The following IFT80 variants were observed in gnomAD, a reference collection of about 807,000 sequenced individuals.
IFT80 encodes the protein intraflagellar transport protein 80 homolog.
Under a neutral mutation model 107.9 loss-of-function variants are expected in IFT80, and 79 were observed. The observed-to-expected ratio is 0.73, with a 90% confidence interval of 0.61 to 0.88. The LOEUF is 0.88. IFT80 is among the 40% of genes least tolerant of loss of function. IFT80 has a pLI of 0.00. For missense variants in IFT80, 797 were observed against 914.2 expected (o/e 0.87, Z 1.65); for synonymous variants, 299 against 300.9 (o/e 0.99, Z 0.07).
intron 8 of IFT80, among the ~76,000 whole-genome samples, chr3:160,339,249 A>G (rs1163230271): frequency 6.6e-6 from 1 of 152,206 alleles, no homozygotes; most frequent in African/African-American, 2.4e-5. Flanking sequence ...ATTTTTATAG[A>G]AATTATAGTC....
At chr3:160,388,633 T>C (rs1293526741) in intron 1 of IFT80, among the ~76,000 whole-genome samples, 2 of 149,038 alleles carry the variant, frequency 1.3e-5, no homozygotes, top group African/African-American at 4.9e-5. Context: ...AATATATAAA[T>C]ACATTCTATA....
chr3:160,340,776 A>G (rs1238682196), intron 8 of IFT80, among the ~76,000 whole-genome samples: 1 of 152,206 alleles, frequency 6.6e-6, no homozygotes, highest in Non-Finnish European at 1.5e-5. Flanking sequence ...TAGTTTTAGC[A>G]TCTGAAGGTC....
chr3:160,357,630 T>G (rs749886567), intron 6 of IFT80, 52 bp from the exon 7 acceptor site: 1 of 1,194,446 alleles, frequency 8.4e-7, no homozygotes, highest in Non-Finnish European at 1.2e-6. Flanking sequence ...GCACTTAAGT[T>G]TTTTTCTGTA....
intron 9 of IFT80, among the ~76,000 whole-genome samples, chr3:160,311,780 T>C (rs571624941): frequency 2.6e-5 from 4 of 152,256 alleles, no homozygotes; most frequent in Admixed American, 2.6e-4. Context: ...GTGTTGTTTT[T>C]TGTTTGTCTG....
At chr3:160,311,384 A>C (rs1481528546) in intron 9 of IFT80, among the ~76,000 whole-genome samples, 2 of 152,352 alleles carry the variant, frequency 1.3e-5, no homozygotes, top group African/African-American at 4.8e-5. Context: ...AATTGGAGAA[A>C]TGTGATCTGT....
intron 6 of IFT80, among the ~76,000 whole-genome samples, chr3:160,358,011 A>T: frequency 6.6e-6 from 1 of 151,644 alleles, no homozygotes; most frequent in East Asian, 1.9e-4. Flanking sequence ...TATTTTATTT[A>T]TTTATTTATT....
intron 8 of IFT80, among the ~76,000 whole-genome samples, chr3:160,328,694 T>C (rs1718863547): frequency 6.6e-6 from 1 of 152,056 alleles, no homozygotes; most frequent in South Asian, 2.1e-4. Context: ...CATGCAGCTA[T>C]ATGTTCATTA....
chr3:160,398,131 C>T (rs1206708437), intron 1 of IFT80, among the ~76,000 whole-genome samples: 1 of 149,414 alleles, frequency 6.7e-6, no homozygotes, highest in Non-Finnish European at 1.5e-5. Context: ...TTTATGAAAA[C>T]AACAATTCGT....
intron 8 of IFT80, among the ~76,000 whole-genome samples, chr3:160,332,389 G>T (rs567446600): frequency 1.3e-5 from 2 of 152,278 alleles, no homozygotes; most frequent in African/African-American, 4.8e-5. Flanking sequence ...GGCTTTTATT[G>T]GTGTGCAGGG....
intron 1 of IFT80, 134 bp downstream of exon 1, chr3:160,399,012 G>A (rs1714124101): frequency 6.6e-6 from 1 of 152,188 alleles, no homozygotes; most frequent in Admixed American, 6.5e-5. Flanking sequence ...TACACCCGGA[G>A]CCCCGCTGCC....
At chr3:160,356,512 T>C (rs567085016) in intron 7 of IFT80, among the ~76,000 whole-genome samples, 43 of 152,282 alleles carry the variant, frequency 2.8e-4, no homozygotes, top group Admixed American at 2.8e-3. Flanking sequence ...GTTTAGTTCT[T>C]AGCTTTGTTT....
At position 160,372,738 on chromosome 3, in the gene IFT80, T is replaced by C. The variant is rs578155212; in HGVS notation, c.439+3074A>G. 4.6e-5 allele frequency among the ~76,000 whole-genome samples: 7 copies of C among 152,312 alleles called. No individual in the cohort carries two copies. In the East Asian group the frequency reaches 1.3e-3, roughly 29 times the overall value. ...TAAAATTAAAATAGGACAAAAATGATAGTCATTTCAAAGTCATTTGATATT... is the reference window on the plus strand; with the variant it reads ...TAAAATTAAAATAGGACAAAAATGACAGTCATTTCAAAGTCATTTGATATT... On this transcript the variant is annotated intron_variant, in intron 5 of 19. Coordinates refer to ENST00000326448, the MANE Select transcript of IFT80 (RefSeq NM_020800.3).
intron 6 of IFT80, among the ~76,000 whole-genome samples, chr3:160,361,018 C>A (rs757136579): frequency 6.6e-6 from 1 of 152,186 alleles, no homozygotes. Flanking sequence ...ATCAAATTCA[C>A]ACATAACAAT....
chr3:160,375,639 C>T (rs1711955843), intron 5 of IFT80, among the ~76,000 whole-genome samples, 173 bp downstream of exon 5: 1 of 151,972 alleles, frequency 6.6e-6, no homozygotes, highest in Admixed American at 6.6e-5. Flanking sequence ...TACCATGGTA[C>T]ATCAGGTACC....
chr3:160,265,403 A>T (rs1246578438), intron 19 of IFT80, among the ~76,000 whole-genome samples: 1 of 152,186 alleles, frequency 6.6e-6, no homozygotes, highest in Non-Finnish European at 1.5e-5. Context: ...AATCCTGCTC[A>T]TGAGTTTGAT....
At chr3:160,377,650 T>TA (rs1443538488) in intron 3 of IFT80, 110 bp from the exon 4 acceptor site, 13 of 579,836 alleles carry the variant, frequency 2.2e-5, no homozygotes, top group African/African-American at 2.1e-4. Context: ...ATTAACATTA[T>TA]AATTATTCTT....
chr3:160,377,015 T>A (rs1712077689), intron 4 of IFT80, among the ~76,000 whole-genome samples: 2 of 152,194 alleles, frequency 1.3e-5, no homozygotes, highest in Non-Finnish European at 1.5e-5. Context: ...TATATGCTTA[T>A]GATTTTAAGT....
intron 2 of IFT80, chr3:160,383,918 T>C (rs965141053): frequency 2.0e-5 from 20 of 985,370 alleles, no homozygotes; most frequent in Non-Finnish European, 2.0e-5. Flanking sequence ...ACATGCTAGA[T>C]CACACTAGCA....
chr3:160,360,848 C>T (rs1721438274), intron 6 of IFT80, among the ~76,000 whole-genome samples: 1 of 152,068 alleles, frequency 6.6e-6, no homozygotes, highest in African/African-American at 2.4e-5. Flanking sequence ...TACAAGAGCT[C>T]CTGAAGGAAG....
Sources: allele counts gnomAD v4.1 joint callset (sites outside exome capture counted in the v4.1 genomes callset), GRCh38; gene constraint gnomAD v4.1.1; transcripts MANE v1.5; gene names NCBI Gene and HGNC (gene_info 2026-07-23, HGNC 2026-07-21).